CDH13: variants seen among roughly 807,000 people sequenced by gnomAD.
CDH13 encodes cadherin 13.
Under a neutral mutation model 63.8 loss-of-function variants are expected in CDH13, and 24 were observed. The ratio of observed to expected loss-of-function variants is 0.38; its 90% CI spans 0.27 to 0.53. CDH13 has a LOEUF of 0.53. Ranked by LOEUF, CDH13 falls within the 20% of genes least tolerant of loss-of-function variation. The pLI is 0.85. For synonymous variants in CDH13, 503 were observed against 355.3 expected, an observed-to-expected ratio of 1.42 and a Z score of -4.67; for missense variants, 1,049 against 903.1, an observed-to-expected ratio of 1.16 and a Z score of -2.07.
At chr16:82,802,544 C>T (rs1451416557) in intron 1 of CDH13, among the ~76,000 whole-genome samples, 1 of 152,112 alleles carries the variant, frequency 6.6e-6, no homozygotes, top group Non-Finnish European at 1.5e-5. Context: ...AAGGGACTCT[C>T]CCTGCAGAAG....
At chr16:83,580,960 T>G (rs1000799214) in intron 7 of CDH13, among the ~76,000 whole-genome samples, 1 of 152,178 alleles carries the variant, frequency 6.6e-6, no homozygotes, top group Non-Finnish European at 1.5e-5. Flanking sequence ...AGATCTCTAT[T>G]TGTGGGAGTT....
chr16:83,463,211 C>T (rs1171712284), intron 6 of CDH13, among the ~76,000 whole-genome samples: 1 of 152,176 alleles, frequency 6.6e-6, no homozygotes, highest in Non-Finnish European at 1.5e-5. Context: ...GGGACCAAGG[C>T]CCAGGCGTCA....
chr16:83,074,886 C>G (rs2032710382), intron 3 of CDH13, among the ~76,000 whole-genome samples: 2 of 152,132 alleles, frequency 1.3e-5, no homozygotes, highest in South Asian at 4.1e-4. Context: ...ATTAGACAAA[C>G]AGCAAAAAAG....
At chr16:83,575,576 C>A (rs1905033019) in intron 7 of CDH13, among the ~76,000 whole-genome samples, 1 of 152,174 alleles carries the variant, frequency 6.6e-6, no homozygotes, top group Non-Finnish European at 1.5e-5. Context: ...CCATGCCCAT[C>A]CCAGGGCCTT....
chr16:83,780,735 CTT>C (rs950034930), intron 12 of CDH13, among the ~76,000 whole-genome samples: 8 of 152,122 alleles, frequency 5.3e-5, no homozygotes, highest in African/African-American at 1.9e-4. Context: ...TCCACAGATT[CTT>C]TGTTTGTAAC....
intron 8 of CDH13, among the ~76,000 whole-genome samples, chr16:83,629,968 T>C (rs1012856261): frequency 3.9e-5 from 6 of 152,254 alleles, no homozygotes; most frequent in African/African-American, 1.2e-4. Context: ...AAATGTATTT[T>C]AGCTGCCGTA....
intron 2 of CDH13, among the ~76,000 whole-genome samples, chr16:82,902,057 C>G (rs527403354): frequency 6.6e-6 from 1 of 152,306 alleles, no homozygotes; most frequent in South Asian, 2.1e-4. Context: ...ACAAGTCTGT[C>G]TCATTTCAAA....
At chr16:82,911,837 C>T (rs74032604) in intron 2 of CDH13, among the ~76,000 whole-genome samples, 1,916 of 152,148 alleles carry the variant, frequency 0.013, 29 homozygotes, top group African/African-American at 0.041. Flanking sequence ...CCAAAAGCCC[C>T]GTGAGTGGCT....
At chr16:83,074,544 C>G (rs913398461) in intron 3 of CDH13, among the ~76,000 whole-genome samples, 3 of 152,132 alleles carry the variant, frequency 2.0e-5, no homozygotes, top group Non-Finnish European at 4.4e-5. Flanking sequence ...TACGGTAGTT[C>G]TATTTTTAGT....
At chr16:83,028,855 C>T (rs991956972) in intron 2 of CDH13, among the ~76,000 whole-genome samples, 1 of 152,122 alleles carries the variant, frequency 6.6e-6, no homozygotes, top group Non-Finnish European at 1.5e-5. Context: ...CTACTGTATT[C>T]AGGTTTTGAT....
intron 4 of CDH13, among the ~76,000 whole-genome samples, chr16:83,149,418 T>C (rs1377244761): frequency 1.3e-5 from 2 of 152,172 alleles, no homozygotes; most frequent in Non-Finnish European, 2.9e-5. Flanking sequence ...ATTCATTGCG[T>C]CCATGATAGG....
chr16:82,761,017 C>CTTCTTTTTTTTTTTTT (rs2034820209), intron 1 of CDH13, among the ~76,000 whole-genome samples: 1 of 40,452 alleles, frequency 2.5e-5, no homozygotes, highest in Admixed American at 4.4e-4. Context: ...TTCTTTCTTT[C>CTTCTTTTTTTTTTTTT]TTTTTTTTTT....
At chr16:82,759,880 A>C (rs545357932) in intron 1 of CDH13, among the ~76,000 whole-genome samples, 2 of 152,106 alleles carry the variant, frequency 1.3e-5, no homozygotes, top group Non-Finnish European at 2.9e-5. Context: ...CCCTTTCCTT[A>C]TAACCCGTCT....
chr16:82,746,423 C>T (rs7197523), intron 1 of CDH13, among the ~76,000 whole-genome samples: 39,686 of 151,778 alleles, frequency 0.26, 5,838 homozygotes, highest in South Asian at 0.38. Flanking sequence ...GTCCCCATTA[C>T]TGGCAGGGAA....
intron 11 of CDH13, among the ~76,000 whole-genome samples, chr16:83,749,602 A>G (rs1912908843): frequency 6.6e-6 from 1 of 152,270 alleles, no homozygotes. Flanking sequence ...GAGACCCTGA[A>G]ACTTCTTGAG....
chr16:83,145,120 C>G (rs1026638589), intron 4 of CDH13, among the ~76,000 whole-genome samples: 2 of 152,156 alleles, frequency 1.3e-5, no homozygotes, highest in African/African-American at 4.8e-5. Flanking sequence ...ATTTATTTGT[C>G]TACATGAAGG....
At chr16:82,719,648 C>T (rs983621751) in intron 1 of CDH13, among the ~76,000 whole-genome samples, 3 of 152,092 alleles carry the variant, frequency 2.0e-5, no homozygotes, top group Admixed American at 2.0e-4. Flanking sequence ...GAGTTTGAGA[C>T]CAGCCTGGCC....
chr16:82,786,580 T>C (rs2036021384), intron 1 of CDH13, among the ~76,000 whole-genome samples: 1 of 151,854 alleles, frequency 6.6e-6, no homozygotes, highest in Non-Finnish European at 1.5e-5. Flanking sequence ...TATGTATACA[T>C]GTGCCATGTT....
At chr16:82,782,509 A>G (rs934947120) in intron 1 of CDH13, among the ~76,000 whole-genome samples, 2 of 151,290 alleles carry the variant, frequency 1.3e-5, no homozygotes, top group African/African-American at 4.9e-5. Context: ...CCAAGATCGT[A>G]CCACTGCACT....
Sources: allele counts gnomAD v4.1 joint callset (sites outside exome capture counted in the v4.1 genomes callset), GRCh38; gene constraint gnomAD v4.1.1; transcripts MANE v1.5; gene names NCBI Gene and HGNC (gene_info 2026-07-23, HGNC 2026-07-21).